The following FOXN3 variants were observed in gnomAD, a reference collection of about 807,000 sequenced individuals.
The protein encoded by FOXN3 is forkhead box N3, also known as forkhead box protein N3.
FOXN3 carries 7 observed loss-of-function variants against 38.4 expected under a neutral mutation model. That is an observed-to-expected ratio of 0.18 (90% CI 0.10 to 0.34). The LOEUF (loss-of-function observed/expected upper bound fraction) is 0.34. Among genes scored for constraint, FOXN3 ranks in the 10% least tolerant of loss-of-function variants. FOXN3 has a pLI of 1.00. For missense variants in FOXN3, 456 were observed against 613.4 expected, an observed-to-expected ratio of 0.74 and a Z score of 2.71; for synonymous variants, 230 against 242.2, an observed-to-expected ratio of 0.95 and a Z score of 0.47.
At chr14:89,538,606 CCT>C (rs1454549630) in intron 1 of FOXN3, among the ~76,000 whole-genome samples, 1 of 152,172 alleles carries the variant, frequency 6.6e-6, no homozygotes, top group African/African-American at 2.4e-5. Flanking sequence ...ACAACCTCTG[CCT>C]CCCGAGTTCA....
At chr14:89,288,380 G>A (rs1886702483) in intron 3 of FOXN3, among the ~76,000 whole-genome samples, 1 of 152,140 alleles carries the variant, frequency 6.6e-6, no homozygotes, top group Admixed American at 6.5e-5. Flanking sequence ...CCTGCACATA[G>A]TTCTTGTATG....
intron 4 of FOXN3, among the ~76,000 whole-genome samples, chr14:89,183,404 A>G (rs1030658792): frequency 2.0e-5 from 3 of 152,150 alleles, no homozygotes; most frequent in Non-Finnish European, 4.4e-5. Context: ...TTTACCAAGT[A>G]CTTTCCTATA....
chr14:89,360,074 T>A (rs995138666), intron 2 of FOXN3, among the ~76,000 whole-genome samples: 2 of 152,230 alleles, frequency 1.3e-5, no homozygotes, highest in African/African-American at 4.8e-5. Flanking sequence ...AGGCTTCTCC[T>A]GGAAACGGCC....
intron 1 of FOXN3, among the ~76,000 whole-genome samples, chr14:89,570,227 C>G (rs1201551676): frequency 6.6e-6 from 1 of 152,148 alleles, no homozygotes; most frequent in Non-Finnish European, 1.5e-5. Context: ...TCTCAATCCC[C>G]TGACCTCGTG....
intron 1 of FOXN3, among the ~76,000 whole-genome samples, chr14:89,437,765 T>C (rs1218674010): frequency 6.6e-6 from 1 of 152,244 alleles, no homozygotes; most frequent in Non-Finnish European, 1.5e-5. Flanking sequence ...GCCATTCTTT[T>C]ATTCCTTTGC....
At chr14:89,602,450 G>A (rs1435814957) in intron 1 of FOXN3, among the ~76,000 whole-genome samples, 1 of 152,046 alleles carries the variant, frequency 6.6e-6, no homozygotes, top group Non-Finnish European at 1.5e-5. Context: ...TTTTTTTAAA[G>A]CACACTGTGC....
intron 2 of FOXN3, among the ~76,000 whole-genome samples, chr14:89,408,467 T>G (rs1891450314): frequency 6.6e-6 from 1 of 151,606 alleles, no homozygotes; most frequent in Admixed American, 6.6e-5. Flanking sequence ...TTGCCCAGGC[T>G]GGTCTCAAAC....
At chr14:89,506,706 T>C (rs1398218250) in intron 1 of FOXN3, among the ~76,000 whole-genome samples, 1 of 152,268 alleles carries the variant, frequency 6.6e-6, no homozygotes, top group African/African-American at 2.4e-5. Context: ...GGGGAAAAGA[T>C]TGAGAAATCG....
chr14:89,577,273 T>A (rs1340024584), intron 1 of FOXN3: 1 of 152,248 alleles, frequency 6.6e-6, no homozygotes, highest in African/African-American at 2.4e-5. Context: ...CTCCGCTCAG[T>A]GCATTCCTTT....
chr14:89,614,260 G>A (rs1456780526), intron 1 of FOXN3, among the ~76,000 whole-genome samples: 2 of 152,070 alleles, frequency 1.3e-5, no homozygotes, highest in East Asian at 1.9e-4. Context: ...ATCTTGAGGT[G>A]GAAATAGAAT....
chr14:89,460,210 G>A (rs1253546668), intron 1 of FOXN3, among the ~76,000 whole-genome samples: 1 of 152,180 alleles, frequency 6.6e-6, no homozygotes, highest in Non-Finnish European at 1.5e-5. Flanking sequence ...GGCAGGCTGT[G>A]TCTAACAGAG....
rs911578838 is a variant in FOXN3 at position 89,548,228 on chromosome 14, A to G, written c.-15+70800T>C. Among the ~76,000 whole-genome samples, 9 of 151,890 alleles carry G rather than the reference A, an allele frequency of 5.9e-5. No homozygotes were observed. Among genetic ancestry groups the G allele is most frequent in the African/African-American group, 2.2e-4 (9 of 41,314 alleles). On this transcript the variant is annotated intron_variant, in intron 1 of 6. Coordinates refer to the FOXN3 transcript ENST00000345097. The surrounding 1 kb of genome is among the most constrained non-coding windows in gnomAD (Gnocchi z 4.8). ...CCTGCCTGCGCTTTCTCTCCCTCCC[A>G]CCCTTAATCTCTGCCCTACATATTT...
Position 89,205,913 on chromosome 14 carries a change from C to T in FOXN3, c.746-25107G>A, listed in dbSNP as rs555196228. ...AAGCAAGCTGCATCCCTGTCACGCG[C>T]CCTGGGAGCGGGTTAAGGGAACTTC... On this transcript the variant is annotated intron_variant, in intron 4 of 5. Transcript: ENST00000557258. Among the ~76,000 whole-genome samples, 15 of 152,324 alleles carry T rather than the reference C, an allele frequency of 9.8e-5. No homozygotes were observed. The East Asian group carries it at 2.9e-3, about 29-fold the overall frequency.
At position 89,426,633 on chromosome 14, in the gene FOXN3, A is replaced by C. The variant is rs79645792; in HGVS notation, c.-14-14143T>G. Among the ~76,000 whole-genome samples, 335 of 152,324 alleles carry C rather than the reference A, an allele frequency of 2.2e-3. 1 individual carries two copies. The highest frequency in any genetic ancestry group is 7.7e-3 in the African/African-American group (320 of 41,578). The stretch of plus-strand genomic sequence containing the variant: ...TGCATTTAACAAACACCGAAATAGC[A>C]CTTAACTGGATGCCAGACAGTGTTC... On this transcript the variant is annotated intron_variant, in intron 1 of 6. Coordinates refer to the FOXN3 transcript ENST00000345097.
At chr14:89,342,870 G>A (rs924189152) in intron 3 of FOXN3, among the ~76,000 whole-genome samples, 23 of 152,244 alleles carry the variant, frequency 1.5e-4, no homozygotes, top group African/African-American at 4.8e-4. Context: ...TAAGTGTATT[G>A]AATATGAGGG....
intron 1 of FOXN3, among the ~76,000 whole-genome samples, chr14:89,475,426 T>G (rs1596289537): frequency 6.6e-6 from 1 of 151,780 alleles, no homozygotes; most frequent in South Asian, 2.1e-4. Flanking sequence ...GAGGCTGAGG[T>G]GGGAGGATTG....
chr14:89,581,017 T>G (rs2139910234), intron 1 of FOXN3, among the ~76,000 whole-genome samples: 1 of 70,372 alleles, frequency 1.4e-5, no homozygotes, highest in African/African-American at 3.0e-5. Context: ...ACCTCATCTC[T>G]ACAAAAAAAA....
At chr14:89,511,199 TTTCTTTTCTTTC>T (rs1894066342) in intron 1 of FOXN3, among the ~76,000 whole-genome samples, 1 of 18,090 alleles carries the variant, frequency 5.5e-5, no homozygotes, top group African/African-American at 1.1e-4. Context: ...CTTTTCTTTC[TTTCTTTTCTTTC>T]TTTCTTTCTT....
At chr14:89,177,006 TTTC>T (rs1447001325) in intron 5 of FOXN3, among the ~76,000 whole-genome samples, 2 of 121,970 alleles carry the variant, frequency 1.6e-5, no homozygotes, top group Non-Finnish European at 3.3e-5. Flanking sequence ...TCTCTCTTTC[TTTC>T]TTTTTTTTTT....
Sources: gnomAD v4.1 joint callset for allele counts (sites outside exome capture counted in the v4.1 genomes callset) on GRCh38, gnomAD v4.1.1 for gene constraint, Gnocchi (gnomAD v3.1) non-coding constraint, MANE v1.5 for transcripts, NCBI Gene and HGNC (gene_info 2026-07-23, HGNC 2026-07-21) for gene names.